FGF14: variants seen among roughly 807,000 people sequenced by gnomAD.
FGF14 encodes fibroblast growth factor 14, also known as fibroblast growth factor homologous factor 4.
Under a neutral mutation model 25.5 loss-of-function variants are expected in FGF14, and 5 were observed. The ratio of observed to expected loss-of-function variants is 0.20; its 90% CI spans 0.10 to 0.41. The LOEUF (loss-of-function observed/expected upper bound fraction) is 0.41. Ranked by LOEUF, FGF14 falls within the 10% of genes least tolerant of loss-of-function variation. The probability of loss-of-function intolerance (pLI) is 1.00; values close to 1 mark genes in which losing one functional copy is unlikely to be tolerated. For missense variants in FGF14, 222 were observed against 320.1 expected (o/e 0.69, Z 2.34); for synonymous variants, 138 against 118.3 (o/e 1.17, Z -1.08).
Position 101,718,879 on chromosome 13 carries a change from C to T in FGF14, c.*3952G>A, listed in dbSNP as rs936332771. ...TCCATATTCAAGAGAGTCAACAGGCCCTATGTCACATTGTAGGCTAAGAAA... is the reference window on the plus strand; with the variant it reads ...TCCATATTCAAGAGAGTCAACAGGCTCTATGTCACATTGTAGGCTAAGAAA... On this transcript the variant is annotated 3_prime_UTR_variant, in exon 5 of 5. Coordinates refer to ENST00000376143, the MANE Select transcript of FGF14 (RefSeq NM_004115.4). The T allele has an allele frequency of 2.6e-5, 4 of 151,922 alleles. No homozygotes were observed. The highest frequency in any genetic ancestry group is 5.9e-5 in the Non-Finnish European group (4 of 67,982). 9.4% of individuals were successfully genotyped at this position (151,922 alleles called of 1,614,324 possible). A position where few individuals can be genotyped will look rare whatever the true frequency, so the allele number is the denominator to read the frequency against.
intron 1 of FGF14, among the ~76,000 whole-genome samples, chr13:101,904,449 G>A (rs78093128): frequency 4.5e-4 from 68 of 152,302 alleles, no homozygotes; most frequent in Non-Finnish European, 9.3e-4. Context: ...AGGAATAGCA[G>A]TGTGAGGCTA....
chr13:102,311,884 T>C (rs904494840), intron 1 of FGF14, among the ~76,000 whole-genome samples: 6 of 152,170 alleles, frequency 3.9e-5, no homozygotes, highest in Non-Finnish European at 8.8e-5. Flanking sequence ...CTCTTTCAAA[T>C]ATTGAGGTAA....
chr13:101,851,231 T>G (rs947123052), intron 3 of FGF14, among the ~76,000 whole-genome samples: 3 of 152,014 alleles, frequency 2.0e-5, no homozygotes, highest in African/African-American at 7.2e-5. Context: ...CGGATTTACC[T>G]AGTTCTGTGG....
At chr13:102,377,026 A>T (rs2058056418) in intron 1 of FGF14, among the ~76,000 whole-genome samples, 1 of 152,062 alleles carries the variant, frequency 6.6e-6, no homozygotes, top group Non-Finnish European at 1.5e-5. Context: ...CGGAGCAGAG[A>T]GTTTCCTACA....
At chr13:101,754,004 G>C (rs993954665) in intron 3 of FGF14, among the ~76,000 whole-genome samples, 4 of 152,110 alleles carry the variant, frequency 2.6e-5, no homozygotes, top group African/African-American at 9.7e-5. Context: ...AAGTAAGAAA[G>C]CGGCCAAATC....
rs187833663 is a variant in FGF14 at position 101,712,999 on chromosome 13, C to T, written c.*9832G>A. On this transcript the variant is annotated 3_prime_UTR_variant, in exon 5 of 5. Coordinates refer to ENST00000376143, the MANE Select transcript of FGF14 (RefSeq NM_004115.4). The stretch of plus-strand genomic sequence containing the variant: ...TCAAGAGCATGCAAATCAACCTGGA[C>T]CCTCAGGAAAACAAGTCAAGACTAA... 6.6e-6 allele frequency: 1 copy of T among 152,116 alleles called. No individual in the cohort carries two copies. Among genetic ancestry groups the T allele is most frequent in the Non-Finnish European group, 1.5e-5 (1 of 68,024 alleles). 9.4% of individuals were successfully genotyped at this position (152,116 alleles called of 1,614,324 possible).
intron 1 of FGF14, among the ~76,000 whole-genome samples, chr13:102,322,039 T>C (rs934945482): frequency 7.9e-5 from 12 of 152,292 alleles, no homozygotes; most frequent in East Asian, 3.9e-4. Flanking sequence ...ACCCAAACCC[T>C]GGAACACAAG....
intron 3 of FGF14, among the ~76,000 whole-genome samples, chr13:101,728,828 A>C (rs183223576): frequency 3.9e-5 from 6 of 152,252 alleles, no homozygotes; most frequent in Non-Finnish European, 8.8e-5. Context: ...AACCTGGCTC[A>C]CTGATGCTCA....
rs149330682 is a variant in FGF14 at position 102,164,244 on chromosome 13, G to A, written c.208+237227C>T. Among the ~76,000 whole-genome samples, 4 of 152,276 alleles carry A rather than the reference G, an allele frequency of 2.6e-5. No individual in the cohort carries two copies. In the East Asian group the frequency reaches 7.7e-4, roughly 29 times the overall value. ...TGGGGATCTTTCTGTTCCTAGCCAA[G>A]CCTGACTTCTAAAATCTCCAAAGCA... On this transcript the variant is annotated intron_variant, in intron 1 of 4. Coordinates refer to the FGF14 transcript ENST00000376131.
intron 1 of FGF14, among the ~76,000 whole-genome samples, chr13:102,188,591 G>A (rs538278293): frequency 2.2e-4 from 33 of 152,244 alleles, no homozygotes; most frequent in African/African-American, 7.9e-4. Flanking sequence ...TAAAGGCTAT[G>A]TATTTTTATT....
At chr13:102,224,551 C>A (rs2050751610) in intron 1 of FGF14, among the ~76,000 whole-genome samples, 1 of 152,004 alleles carries the variant, frequency 6.6e-6, no homozygotes, top group African/African-American at 2.4e-5. Flanking sequence ...CATTCAGGGT[C>A]CTATCCAACT....
At chr13:101,990,930 C>T (rs1297594851) in intron 1 of FGF14, among the ~76,000 whole-genome samples, 1 of 152,012 alleles carries the variant, frequency 6.6e-6, no homozygotes, top group African/African-American at 2.4e-5. Context: ...GTAAAATCGA[C>T]AGAACATCTA....
At chr13:102,275,632 A>G (rs1163354932) in intron 1 of FGF14, among the ~76,000 whole-genome samples, 1 of 152,160 alleles carries the variant, frequency 6.6e-6, no homozygotes, top group East Asian at 1.9e-4. Flanking sequence ...TAGAATCGGG[A>G]TCTCAGACTT....
intron 1 of FGF14, among the ~76,000 whole-genome samples, chr13:102,048,244 G>A (rs564918702): frequency 2.6e-5 from 4 of 152,188 alleles, no homozygotes; most frequent in East Asian, 3.9e-4. Flanking sequence ...AAGCTGTTGC[G>A]ATCTTAGGAA....
chr13:101,835,404 T>C (rs918315254), intron 3 of FGF14, among the ~76,000 whole-genome samples: 3 of 152,102 alleles, frequency 2.0e-5, no homozygotes, highest in Admixed American at 6.5e-5. Flanking sequence ...AGTTATCTTA[T>C]TGTTGTTTTA....
chr13:101,756,025 T>C (rs566861347), intron 3 of FGF14, among the ~76,000 whole-genome samples: 7 of 152,294 alleles, frequency 4.6e-5, no homozygotes, highest in Admixed American at 1.3e-4. Context: ...CAATTCTATA[T>C]AAAAATCATA....
chr13:102,156,300 A>C (rs2047334673), intron 1 of FGF14, among the ~76,000 whole-genome samples: 1 of 152,222 alleles, frequency 6.6e-6, no homozygotes, highest in African/African-American at 2.4e-5. Flanking sequence ...CACATCAAAA[A>C]GCTTATCCAC....
chr13:102,030,168 A>G (rs988054675), intron 1 of FGF14, among the ~76,000 whole-genome samples: 7 of 152,154 alleles, frequency 4.6e-5, no homozygotes, highest in African/African-American at 1.7e-4. Context: ...ACTTTAGTAA[A>G]AGAAGCATAT....
At chr13:101,898,427 T>G (rs1318720374) in intron 1 of FGF14, among the ~76,000 whole-genome samples, 3 of 151,426 alleles carry the variant, frequency 2.0e-5, no homozygotes, top group Non-Finnish European at 4.4e-5. Flanking sequence ...TCACAGATTT[T>G]ATTAAAACTT....
Sources: gnomAD v4.1 joint callset for allele counts (sites outside exome capture counted in the v4.1 genomes callset) on GRCh38, gnomAD v4.1.1 for gene constraint, MANE v1.5 for transcripts, NCBI Gene and HGNC (gene_info 2026-07-23, HGNC 2026-07-21) for gene names.